Variants in ABCA6 observed in about 807,000 individuals in gnomAD.
ABCA6 encodes the protein ATP binding cassette subfamily A member 6.
A neutral mutation model predicts 191.2 loss-of-function variants in ABCA6; 164 were observed. The ratio of observed to expected loss-of-function variants is 0.86; its 90% CI spans 0.76 to 0.98. The LOEUF (loss-of-function observed/expected upper bound fraction) is 0.98. Ranked by LOEUF, ABCA6 falls within the 50% of genes least tolerant of loss-of-function variation. ABCA6 has a pLI of 0.00. For missense variants in ABCA6, 1,958 were observed against 1,894.1 expected (o/e 1.03, Z -0.63); for synonymous variants, 636 against 647.7 (o/e 0.98, Z 0.27).
intron 11 of ABCA6, among the ~76,000 whole-genome samples, chr17:69,116,690 G>C (rs1198306993): frequency 6.6e-6 from 1 of 152,052 alleles, no homozygotes; most frequent in Non-Finnish European, 1.5e-5. Flanking sequence ...CTTCTGAAAA[G>C]TAGGCCATAG....
At position 69,133,621 on chromosome 17, in the gene ABCA6, T is replaced by C; in HGVS notation, c.791+20A>G. 2.0e-6 allele frequency: 3 copies of C among 1,485,568 alleles called. No individual in the cohort carries two copies. The highest frequency in any genetic ancestry group is 1.8e-6 in the Non-Finnish European group (2 of 1,085,976). The allele number at this position is 1,485,568 out of a possible 1,614,324, so 92.0% of individuals were successfully genotyped here. Reference sequence around the variant, plus strand: ...AATTTTCCTGTTTATTAATTTGCACTACTTGAATTAGTCACTCACCAGAAT... The same window carrying C: ...AATTTTCCTGTTTATTAATTTGCACCACTTGAATTAGTCACTCACCAGAAT... On this transcript the variant is annotated intron_variant, in intron 6 of 38. Coordinates refer to ENST00000284425, the MANE Select transcript of ABCA6 (RefSeq NM_080284.3).
At chr17:69,136,055 G>T in intron 4 of ABCA6, 37 bp downstream of exon 4, 1 of 1,586,618 alleles carries the variant, frequency 6.3e-7, no homozygotes, top group African/African-American at 1.3e-5. Flanking sequence ...TTGAAAACAT[G>T]AAAAATTCCA....
chr17:69,106,568 A>G (rs540029338), intron 18 of ABCA6, among the ~76,000 whole-genome samples: 53 of 133,010 alleles, frequency 4.0e-4, no homozygotes, highest in Admixed American at 1.1e-3. Context: ...ACTCCAGCCT[A>G]GGAGACAGAG....
intron 18 of ABCA6, 82 bp from the exon 19 acceptor site, chr17:69,106,293 T>G (rs1474764528): frequency 7.6e-7 from 1 of 1,321,326 alleles, no homozygotes; most frequent in East Asian, 2.5e-5. Context: ...CTTAGTAATA[T>G]TAAAAATAGT....
intron 26 of ABCA6, among the ~76,000 whole-genome samples, chr17:69,090,599 G>A (rs1211779457): frequency 6.6e-6 from 1 of 152,172 alleles, no homozygotes; most frequent in African/African-American, 2.4e-5. Flanking sequence ...ATTAACTTGA[G>A]TAAGTTTGGT....
Position 69,096,691 on chromosome 17 carries a change from A to G in ABCA6, c.3231T>C (p.Tyr1077=), listed in dbSNP as rs1035021843. Residue 1077 remains tyrosine, a synonymous_variant, in exon 24 of 39, where the codon TAT becomes TAC. Transcript: ENST00000284425. ...GCATGTTTTCTATGTAGAAAATTAA[A>G]TACATTAAAAGGAGAATTAAAATGA... ...SFFILILLLM[Y]LIFYIENMQY... 1.3e-6 allele frequency: 2 copies of G among 1,579,748 alleles called. No individual in the cohort carries two copies. The highest frequency in any genetic ancestry group is 1.4e-5 in the African/African-American group (1 of 73,066).
Position 69,123,334 on chromosome 17 carries a change from A to G in ABCA6, c.1341T>C (p.Asn447=). 6.3e-7 allele frequency: 1 copy of G among 1,578,936 alleles called. No homozygotes were observed. Among genetic ancestry groups the G allele is most frequent in the South Asian group, 1.2e-5 (1 of 85,250 alleles). ...SSSCFQHQRT[N]AKVIEKEIDA... The stretch of plus-strand genomic sequence containing the variant: ...CGATTTCTTTCTCAATAACCTTAGC[A>G]TTAGTCCTTTGGTGTTGGAAACAAG... Residue 447 remains asparagine (N), a synonymous_variant, in exon 10 of 39, where the codon AAT becomes AAC. Transcript: ENST00000284425.
chr17:69,128,136 G>A (rs1467035042), intron 8 of ABCA6, among the ~76,000 whole-genome samples: 1 of 152,072 alleles, frequency 6.6e-6, no homozygotes, highest in Non-Finnish European at 1.5e-5. Context: ...TACGAAGGAG[G>A]AGTGTTCTGA....
intron 11 of ABCA6, chr17:69,115,731 T>A (rs1385157795): frequency 3.3e-6 from 1 of 299,600 alleles, no homozygotes; most frequent in Admixed American, 5.0e-5. Context: ...AGAACAGAAG[T>A]CTAATATGGA....
rs1598461882 is a variant in ABCA6 at position 69,102,971 on chromosome 17, A to C, written c.2741-3T>G. Reference sequence around the variant, plus strand: ...TATAAAATCTTCAATATTTGATTCTAATATGAAGTTAATAAGAGAAGGCCA... The same window carrying C: ...TATAAAATCTTCAATATTTGATTCTCATATGAAGTTAATAAGAGAAGGCCA... On this transcript the variant is annotated splice_polypyrimidine_tract_variant and splice_region_variant and intron_variant, in intron 20 of 38. Coordinates refer to ENST00000284425, the MANE Select transcript of ABCA6 (RefSeq NM_080284.3). The C allele has an allele frequency of 6.7e-7, 1 of 1,492,184 alleles. No individual in the cohort carries two copies. The highest frequency in any genetic ancestry group is 1.9e-5 in the Admixed American group (1 of 51,844). 92.4% of individuals were successfully genotyped at this position (1,492,184 alleles called of 1,614,324 possible).
intron 25 of ABCA6, among the ~76,000 whole-genome samples, chr17:69,091,477 T>C (rs972495899): frequency 6.6e-6 from 1 of 152,078 alleles, no homozygotes. Flanking sequence ...AAATTCTTAA[T>C]AAAGACTGGC....
chr17:69,137,175 A>C, intron 3 of ABCA6, 121 bp downstream of exon 3: 1 of 922,632 alleles, frequency 1.1e-6, no homozygotes, highest in Non-Finnish European at 1.6e-6. Flanking sequence ...TTTGTATGCT[A>C]TTTTAGTACT....
At chr17:69,106,276 G>T (rs566595446) in intron 18 of ABCA6, 65 bp from the exon 19 acceptor site, 2 of 1,428,100 alleles carry the variant, frequency 1.4e-6, no homozygotes, top group East Asian at 2.4e-5. Context: ...AGGCATCACA[G>T]ATTTTCCTTA....
At position 69,082,901 on chromosome 17, in the gene ABCA6, G is replaced by A. The variant is rs2072676825; in HGVS notation, c.4588C>T (p.Leu1530Phe). 6.2e-7 allele frequency: 1 copy of A among 1,614,182 alleles called. No individual in the cohort carries two copies. Reference protein sequence around the residue: ...VTLVHTEILKLFPQAAGQERY... With the variant: ...VTLVHTEILKFFPQAAGQERY... ...TCCTGCCCTGCAGCCTGTGGGAAAA[G>A]CTTCAGAATCTCAGTGTGGACCAAA... The change falls in exon 36 of 39, where the codon CTT (leucine) becomes TTT (phenylalanine). Residue 1530 changes from leucine (L) to phenylalanine (F), a missense_variant. Leu to Phe is a conservative substitution (Grantham distance 22). Coordinates refer to ENST00000284425, the MANE Select transcript of ABCA6 (RefSeq NM_080284.3).
At chr17:69,137,757 A>G (rs569841187) in intron 2 of ABCA6, among the ~76,000 whole-genome samples, 1 of 152,294 alleles carries the variant, frequency 6.6e-6, no homozygotes, top group Admixed American at 6.5e-5. Flanking sequence ...ATAGAAACTA[A>G]TGGAGTGAAT....
At position 69,113,338 on chromosome 17, in the gene ABCA6, G is replaced by A. The variant is rs765200252; in HGVS notation, c.1925C>T (p.Thr642Ile). 7 of 1,592,022 alleles carry A rather than the reference G, an allele frequency of 4.4e-6. No homozygotes were observed. The Admixed American group carries it at 1.4e-4, about 31-fold the overall frequency. The change falls in exon 15 of 39, where the codon ACT becomes ATT. Residue 642 changes from threonine to isoleucine, a missense_variant. Transcript: ENST00000284425. Reference protein sequence around the residue: ...DPQILLLDEPTTGLDPFSRDQ... With the variant: ...DPQILLLDEPITGLDPFSRDQ... The stretch of plus-strand genomic sequence containing the variant: ...TCTGGAAAAGGGATCCAATCCAGTA[G>A]TTGGTTCATCTAAAAGCAAAATCTA...
chr17:69,129,602 C>A lies in ABCA6; in HGVS notation c.933+8G>T. 2 of 1,578,898 alleles carry A rather than the reference C, an allele frequency of 1.3e-6. No individual in the cohort carries two copies. Among genetic ancestry groups the A allele is most frequent in the South Asian group, 2.3e-5 (2 of 87,654 alleles). On this transcript the variant is annotated splice_region_variant and intron_variant, in intron 7 of 38. Transcript: ENST00000284425. The stretch of plus-strand genomic sequence containing the variant: ...GCAGAGAAAGTGGTAATAAATGTAT[C>A]AACTTACCAAAGATAAGCCATATAA...
At chr17:69,137,650 A>C (rs1384077079) in intron 2 of ABCA6, 150 bp from the exon 3 acceptor site, 1 of 697,838 alleles carries the variant, frequency 1.4e-6, no homozygotes, top group Non-Finnish European at 2.3e-6. Flanking sequence ...TGGAGAATCA[A>C]ATGAAAGATA....
intron 38 of ABCA6, 33 bp from the exon 39 acceptor site, chr17:69,079,107 A>G (rs1267241374): frequency 9.5e-6 from 15 of 1,577,490 alleles, no homozygotes; most frequent in East Asian, 2.2e-5. Context: ...GGAAAGAAGG[A>G]AGAGAGATTA....
Sources: allele counts gnomAD v4.1 joint callset (sites outside exome capture counted in the v4.1 genomes callset), GRCh38; gene constraint gnomAD v4.1.1; transcripts MANE v1.5; gene names NCBI Gene and HGNC (gene_info 2026-07-23, HGNC 2026-07-21).